Variants in SPTLC3 observed in about 807,000 individuals in gnomAD.
SPTLC3 encodes serine palmitoyltransferase long chain base subunit 3.
SPTLC3 carries 36 observed loss-of-function variants against 59.3 expected under a neutral mutation model. The ratio of observed to expected loss-of-function variants is 0.61; its 90% CI spans 0.47 to 0.80. The LOEUF is 0.80. Ranked by LOEUF, SPTLC3 falls within the 30% of genes least tolerant of loss-of-function variation. SPTLC3 has a pLI of 0.00. For synonymous variants in SPTLC3, 257 were observed against 240.8 expected, an observed-to-expected ratio of 1.07 and a Z score of -0.62; for missense variants, 625 against 685.1, an observed-to-expected ratio of 0.91 and a Z score of 0.98.
intron 2 of SPTLC3, among the ~76,000 whole-genome samples, chr20:13,064,279 T>TTTA (rs59127543): frequency 7.3e-6 from 1 of 136,688 alleles, no homozygotes; most frequent in Non-Finnish European, 1.5e-5. Context: ...TTCTTTTTTT[T>TTTA]TTTTGTTTTG....
At chr20:13,053,846 A>G (rs993462188) in intron 2 of SPTLC3, among the ~76,000 whole-genome samples, 4 of 152,120 alleles carry the variant, frequency 2.6e-5, no homozygotes, top group African/African-American at 9.7e-5. Context: ...GGGAAAGAAG[A>G]ATAAAAAGGA....
intron 1 of SPTLC3, among the ~76,000 whole-genome samples, chr20:13,027,641 G>GCACACACA (rs57913044): frequency 1.4e-5 from 2 of 144,260 alleles, no homozygotes; most frequent in South Asian, 4.6e-4. Flanking sequence ...ATTTCAGCAC[G>GCACACACA]CACACACACA....
At chr20:13,092,719 CA>C (rs995355847) in intron 5 of SPTLC3, among the ~76,000 whole-genome samples, 2 of 151,708 alleles carry the variant, frequency 1.3e-5, no homozygotes, top group Non-Finnish European at 1.5e-5. Flanking sequence ...GCTTTTGCCT[CA>C]AAAAAACTCA....
chr20:13,091,187 A>G lies in SPTLC3; in HGVS notation c.712A>G (p.Ile238Val). The G allele has an allele frequency of 6.2e-7, 1 of 1,613,854 alleles. No homozygotes were observed. Among genetic ancestry groups the G allele is most frequent in the Non-Finnish European group, 8.5e-7 (1 of 1,179,820 alleles). ...GMGFATNSMNIPALVGKGCLI... is the reference protein window; with the variant it reads ...GMGFATNSMNVPALVGKGCLI... ...GGGATTCGCAACTAACTCAATGAAT[A>G]TCCCAGCATTAGTTGGAAAGGTGAG... The change falls in exon 5 of 12, where the codon ATC (isoleucine) becomes GTC (valine). Residue 238 changes from isoleucine (I) to valine (V), a missense_variant. Physicochemically the swap from Ile to Val is conservative, Grantham distance 29. Transcript: ENST00000399002.
rs571910913 is a variant in SPTLC3 at position 13,102,832 on chromosome 20, T to C, written c.827-7280T>C. ...ACATCAAGCCCAGAGCCCAAGCCTA[T>C]TGGACACCCTGTCCCTGGTTTCTAG... On this transcript the variant is annotated intron_variant, in intron 6 of 11. Transcript: ENST00000399002. Among the ~76,000 whole-genome samples, 3 of 152,294 alleles carry C rather than the reference T, an allele frequency of 2.0e-5. No individual in the cohort carries two copies. The South Asian group carries it at 6.2e-4, about 32-fold the overall frequency.
At chr20:13,127,267 A>C (rs1438466944) in intron 9 of SPTLC3, among the ~76,000 whole-genome samples, 1 of 152,124 alleles carries the variant, frequency 6.6e-6, no homozygotes, top group Non-Finnish European at 1.5e-5. Flanking sequence ...TTTTTGAAAA[A>C]TTGTTTCATA....
intron 4 of SPTLC3, among the ~76,000 whole-genome samples, chr20:13,085,386 A>G (rs1204949350): frequency 6.6e-6 from 1 of 152,148 alleles, no homozygotes; most frequent in African/African-American, 2.4e-5. Context: ...CAGAATGTGA[A>G]TGCTGGCTTT....
At chr20:13,154,515 G>C (rs530048312) in intron 10 of SPTLC3, among the ~76,000 whole-genome samples, 1 of 152,118 alleles carries the variant, frequency 6.6e-6, no homozygotes, top group East Asian at 1.9e-4. Flanking sequence ...ATGTGATCAG[G>C]CTCTGTGCTT....
intron 1 of SPTLC3, among the ~76,000 whole-genome samples, chr20:13,024,430 A>T (rs1445388112): frequency 1.3e-5 from 2 of 152,164 alleles, no homozygotes; most frequent in African/African-American, 4.8e-5. Context: ...CATATGTTTT[A>T]TGCATCTCAA....
intron 1 of SPTLC3, among the ~76,000 whole-genome samples, chr20:13,042,106 G>C (rs2122474874): frequency 1.3e-5 from 2 of 152,270 alleles, no homozygotes; most frequent in Non-Finnish European, 2.9e-5. Context: ...GGTTTATTCT[G>C]ATCTTAAGAG....
At chr20:13,068,534 G>C (rs1988315479) in intron 2 of SPTLC3, among the ~76,000 whole-genome samples, 1 of 152,116 alleles carries the variant, frequency 6.6e-6, no homozygotes, top group African/African-American at 2.4e-5. Context: ...TAAAGGAATG[G>C]GGTGGAGTGG....
Position 13,110,507 on chromosome 20 carries a change from C to T in SPTLC3, c.932+290C>T, listed in dbSNP as rs111709563. Among the ~76,000 whole-genome samples, 238 of 152,314 alleles carry T rather than the reference C, an allele frequency of 1.6e-3. 2 individuals carry two copies. Among genetic ancestry groups the T allele is most frequent in the African/African-American group, 5.4e-3 (226 of 41,566 alleles). ...GAGTTGATCTTTCCACTACCTTTGA[C>T]TGCCCCAGAGTTTCAAAGGCGTTTC... On this transcript the variant is annotated intron_variant, in intron 7 of 11. Coordinates refer to ENST00000399002, the MANE Select transcript of SPTLC3 (RefSeq NM_018327.4).
At position 13,009,152 on chromosome 20, in the gene SPTLC3, A is replaced by T. The variant is rs1220624584; in HGVS notation, c.-116A>T. The T allele has an allele frequency of 6.7e-6, 5 of 751,624 alleles. No homozygotes were observed. The highest frequency in any genetic ancestry group is 1.1e-5 in the Non-Finnish European group (5 of 443,770). The allele number at this position is 751,624 out of a possible 1,614,324, so 46.6% of individuals were successfully genotyped here. ...CTTCTGGAAAAGCCTGATTGGTAAG[A>T]TTCCTTTAAGGGCTCAGCCCCAAAG... On this transcript the variant is annotated 5_prime_UTR_variant, in exon 1 of 12. Coordinates refer to ENST00000399002, the MANE Select transcript of SPTLC3 (RefSeq NM_018327.4).
intron 3 of SPTLC3, 28 bp downstream of exon 3, chr20:13,072,438 T>A: frequency 6.5e-7 from 1 of 1,531,660 alleles, no homozygotes; most frequent in Admixed American, 2.2e-5. Context: ...AGGGGATTGG[T>A]GAAAAGAAAA....
At chr20:13,047,938 T>G (rs1293294192) in intron 1 of SPTLC3, among the ~76,000 whole-genome samples, 1 of 152,196 alleles carries the variant, frequency 6.6e-6, no homozygotes, top group Non-Finnish European at 1.5e-5. Flanking sequence ...TGCCCCTTAA[T>G]ACTTCAGCAT....
intron 4 of SPTLC3, among the ~76,000 whole-genome samples, chr20:13,076,473 T>TA (rs1386035376): frequency 1.3e-5 from 2 of 152,094 alleles, no homozygotes; most frequent in Admixed American, 6.5e-5. Flanking sequence ...ATTTAATCAC[T>TA]AAAAAATAAC....
chr20:13,064,801 T>C (rs1185381268), intron 2 of SPTLC3, among the ~76,000 whole-genome samples: 2 of 152,234 alleles, frequency 1.3e-5, no homozygotes, highest in Non-Finnish European at 2.9e-5. Context: ...GATGTCTTCA[T>C]AGCAGTCTTC....
intron 8 of SPTLC3, among the ~76,000 whole-genome samples, 181 bp downstream of exon 8, chr20:13,117,906 C>T (rs562560563): frequency 4.6e-5 from 7 of 152,134 alleles, no homozygotes; most frequent in South Asian, 2.1e-4. Context: ...AGCTCTCCCT[C>T]GAATAGTGAA....
chr20:13,114,177 G>C (rs745993725), intron 7 of SPTLC3, among the ~76,000 whole-genome samples: 1 of 152,154 alleles, frequency 6.6e-6, no homozygotes, highest in Non-Finnish European at 1.5e-5. Flanking sequence ...AACCTATCTA[G>C]GCCTCAGTTT....
Sources: allele counts gnomAD v4.1 joint callset (sites outside exome capture counted in the v4.1 genomes callset), GRCh38; gene constraint gnomAD v4.1.1; transcripts MANE v1.5; gene names NCBI Gene and HGNC (gene_info 2026-07-23, HGNC 2026-07-21).